Variants in PTPRA observed in about 807,000 individuals in gnomAD.
PTPRA encodes receptor-type tyrosine-protein phosphatase alpha.
Under a neutral mutation model 104.8 loss-of-function variants are expected in PTPRA, and 25 were observed. The observed-to-expected ratio is 0.24, with a 90% CI of 0.17 to 0.33. PTPRA has a LOEUF of 0.33. PTPRA is among the 10% of genes least tolerant of loss of function. PTPRA has a pLI of 1.00. For missense variants in PTPRA, 765 were observed against 1,015.3 expected (o/e 0.75, Z 3.35); for synonymous variants, 323 against 368.9 (o/e 0.88, Z 1.43).
At chr20:3,033,671 GC>G (rs1223265070) in intron 20 of PTPRA, among the ~76,000 whole-genome samples, 1 of 152,026 alleles carries the variant, frequency 6.6e-6, no homozygotes, top group East Asian at 1.9e-4. Flanking sequence ...GGAGGCCGAG[GC>G]GGGTGGATCA....
At chr20:2,909,966 A>ATGTGTAAT (rs2059587858) in intron 1 of PTPRA, among the ~76,000 whole-genome samples, 4 of 112,226 alleles carry the variant, frequency 3.6e-5, no homozygotes, top group African/African-American at 1.5e-4. Flanking sequence ...AATATATGAT[A>ATGTGTAAT]TATATATAAT....
At position 2,896,594 on chromosome 20, in the gene PTPRA, A is replaced by T. The variant is rs73084679; in HGVS notation, c.-129+22834A>T. On this transcript the variant is annotated intron_variant, in intron 1 of 23. Transcript: ENST00000399903. ...ATCATTTGAGAAATAAGTTGCAAAC[A>T]TAATGCTGTATTACCCATAAATCAG... is the stretch of plus-strand genomic sequence containing the variant. Among the ~76,000 whole-genome samples the T allele has an allele frequency of 8.5e-5, 13 of 152,230 alleles. 1 individual carries two copies. The South Asian group carries it at 2.3e-3, about 27-fold the overall frequency.
chr20:2,892,012 G>A (rs112386027), intron 1 of PTPRA, among the ~76,000 whole-genome samples: 3,477 of 152,044 alleles, frequency 0.023, 131 homozygotes, highest in African/African-American at 0.078. Flanking sequence ...CAACTGGGCC[G>A]GGCGCGGTGG....
intron 1 of PTPRA, among the ~76,000 whole-genome samples, chr20:2,898,513 C>T (rs969970287): frequency 4.6e-5 from 7 of 151,786 alleles, no homozygotes; most frequent in Non-Finnish European, 8.8e-5. Flanking sequence ...CACGCCTGGT[C>T]ATGTCCCCAT....
upstream of PTPRA, among the ~76,000 whole-genome samples, chr20:2,871,838 G>C (rs2089436959): frequency 6.6e-6 from 1 of 152,226 alleles, no homozygotes; most frequent in African/African-American, 2.4e-5. Flanking sequence ...CTTTGGGCTG[G>C]AGTGTCTATT....
intron 1 of PTPRA, among the ~76,000 whole-genome samples, chr20:2,879,441 A>G (rs57186792): frequency 0.016 from 2,362 of 152,282 alleles, 125 homozygotes; most frequent in Admixed American, 0.09. Context: ...CTTGGTGAGC[A>G]CCTAAAACTG....
At chr20:2,864,508 A>C in the PTPRA span, 1 of 1,613,956 alleles carries the variant, frequency 6.2e-7, no homozygotes, top group Non-Finnish European at 8.5e-7. This position sits in a 1 kb window ranked among gnomAD's most constrained non-coding sequence, Gnocchi z 5.2. Flanking sequence ...TGAGCACTTG[A>C]GTTGGCCTTG....
Position 2,965,094 on chromosome 20 carries a change from C to T in PTPRA, c.307C>T (p.Pro103Ser), listed in dbSNP as rs993746139. ...CAATTCTATAGGCATTACAATTTCA[C>T]CAAATGGAACGTGGCTTCCAGATAA... is the stretch of plus-strand genomic sequence containing the variant. ...STNSIGITIS[P>S]NGTWLPDNQF... The change falls in exon 5 of 24, where the codon CCA becomes TCA. Residue 103 changes from proline to serine, a missense_variant. Physicochemically the swap from Pro to Ser is moderately conservative, Grantham distance 74 (BLOSUM62 -1). This residue lies in a region of PTPRA where 256 missense variants were observed against 248.9 expected (regional missense o/e 1.03). Coordinates refer to ENST00000399903, the MANE Select transcript of PTPRA (RefSeq NM_001385305.1). 3 of 1,613,958 alleles carry T rather than the reference C, an allele frequency of 1.9e-6. No homozygotes were observed. The highest frequency in any genetic ancestry group is 2.5e-6 in the Non-Finnish European group (3 of 1,179,958).
chr20:3,014,056 C>T (rs1199182059), intron 11 of PTPRA, among the ~76,000 whole-genome samples: 2 of 152,150 alleles, frequency 1.3e-5, no homozygotes, highest in African/African-American at 4.8e-5. Flanking sequence ...TTAGCAGTGA[C>T]TCCTCATGGA....
intron 20 of PTPRA, among the ~76,000 whole-genome samples, chr20:3,032,549 CAAAGT>C (rs2065524274): frequency 1.3e-5 from 2 of 151,906 alleles, no homozygotes; most frequent in Non-Finnish European, 1.5e-5. Flanking sequence ...GGGCGGATCA[CAAAGT>C]CAGGAGATCG....
chr20:2,878,546 AT>A (rs2089876465), intron 1 of PTPRA, among the ~76,000 whole-genome samples: 1 of 151,816 alleles, frequency 6.6e-6, no homozygotes, highest in Non-Finnish European at 1.5e-5. Flanking sequence ...TTATTCTTTT[AT>A]TTTTTTCTAC....
intron 11 of PTPRA, among the ~76,000 whole-genome samples, chr20:3,013,805 G>C (rs2064301233): frequency 6.6e-6 from 1 of 152,068 alleles, no homozygotes; most frequent in Admixed American, 6.5e-5. Context: ...AGAATCTAGA[G>C]ACATCTCAGG....
At chr20:3,018,061 C>A in intron 13 of PTPRA, 148 bp downstream of exon 13, 1 of 680,828 alleles carries the variant, frequency 1.5e-6, no homozygotes, top group Non-Finnish European at 2.5e-6. Flanking sequence ...TTTGCTATGG[C>A]CTGGAAGCCC....
chr20:2,993,643 G>A (rs949606223), intron 9 of PTPRA, among the ~76,000 whole-genome samples: 2 of 152,232 alleles, frequency 1.3e-5, no homozygotes, highest in African/African-American at 4.8e-5. Context: ...GTCTGGAAAA[G>A]TAACTGCAAA....
At chr20:2,866,224 A>C in the PTPRA span, 1 of 1,614,028 alleles carries the variant, frequency 6.2e-7, no homozygotes, top group Non-Finnish European at 8.5e-7. Context: ...TTTTGTGGAG[A>C]TCTGCATGAA....
At chr20:2,974,489 T>C (rs2062338937) in intron 5 of PTPRA, among the ~76,000 whole-genome samples, 1 of 151,710 alleles carries the variant, frequency 6.6e-6, no homozygotes, top group Non-Finnish European at 1.5e-5. Flanking sequence ...TACAGTGGCA[T>C]GATCTCGGCT....
rs897413760 is a variant in PTPRA at position 2,941,027 on chromosome 20, T to G, written c.-49-6955T>G. 1.5e-3 allele frequency among the ~76,000 whole-genome samples: 227 copies of G among 150,640 alleles called. 1 individual carries two copies. The highest frequency in any genetic ancestry group is 4.9e-3 in the African/African-American group (200 of 41,058). ...TTTTCTTCTGGTTTTTTTTTGGGGG[T>G]TTTTTTTGTTTCTTTGGTTTTTTGA... On this transcript the variant is annotated intron_variant, in intron 2 of 23. Transcript: ENST00000399903.
chr20:2,986,062 C>T (rs1044238307), intron 6 of PTPRA, among the ~76,000 whole-genome samples: 3 of 152,118 alleles, frequency 2.0e-5, no homozygotes, highest in Non-Finnish European at 4.4e-5. Context: ...GCGCACATCA[C>T]CACACCGGCT....
intron 2 of PTPRA, among the ~76,000 whole-genome samples, 159 bp downstream of exon 2, chr20:2,923,444 A>C (rs1305732748): frequency 2.0e-5 from 3 of 151,788 alleles, no homozygotes; most frequent in Non-Finnish European, 4.4e-5. Flanking sequence ...ATCCTTTAAG[A>C]TACTTCTTAA....
Sources: allele counts gnomAD v4.1 joint callset (sites outside exome capture counted in the v4.1 genomes callset), GRCh38; gene constraint gnomAD v4.1.1; regional missense constraint gnomAD v4.1.1; non-coding constraint Gnocchi (gnomAD v3.1); transcripts MANE v1.5; gene names NCBI Gene and HGNC (gene_info 2026-07-23, HGNC 2026-07-21).